Variants in TOM1L2 observed in about 807,000 individuals in gnomAD.
The protein encoded by TOM1L2 is TOM1-like protein 2.
TOM1L2 carries 31 observed loss-of-function variants against 67.9 expected under a neutral mutation model. That is an observed-to-expected ratio of 0.46 (90% CI 0.34 to 0.62). The LOEUF (loss-of-function observed/expected upper bound fraction) is 0.62, where lower values mean the gene tolerates loss of function less well. Among genes scored for constraint, TOM1L2 ranks in the 20% least tolerant of loss-of-function variants. The pLI, the probability that TOM1L2 is intolerant of heterozygous loss-of-function variation, is 0.01. For synonymous variants in TOM1L2, 256 were observed against 254.0 expected (o/e 1.01, Z -0.07); for missense variants, 606 against 663.5 (o/e 0.91, Z 0.95).
chr17:17,902,120 GAGCTGAGATCACACCAT>G (rs1476336207), intron 2 of TOM1L2, among the ~76,000 whole-genome samples: 2 of 152,142 alleles, frequency 1.3e-5, no homozygotes, highest in African/African-American at 4.8e-5. Context: ...TGGTTGTGGT[GAGCTGAGATCACACCAT>G]TGCACTCCAG....
chr17:17,862,764 G>A lies in TOM1L2; in HGVS notation c.1169C>T (p.Thr390Met), dbSNP rs563051881. 86 of 1,613,814 alleles carry A rather than the reference G, an allele frequency of 5.3e-5. 1 individual carries two copies. The East Asian group carries it at 1.2e-3, about 23-fold the overall frequency. ...PRDGFDMFAQTRGNSLAEQRK... is the reference protein window; with the variant it reads ...PRDGFDMFAQMRGNSLAEQRK... ...CTGCTCAGCCAAGGAGTTTCCTCTC[G>A]TCTGGGCAAACATGTCAAAGCCGTC... Residue 390 changes from threonine (T) to methionine (M), a missense_variant, in exon 11 of 15, where the codon ACG becomes ATG. By Grantham distance (81) the Thr-to-Met change is moderately conservative. Around this residue, in one of 2 missense-constraint regions of TOM1L2, gnomAD observed 543 missense variants for 554.0 expected, o/e 0.98. Transcript: ENST00000379504.
At chr17:17,893,602 A>T (rs2038403075) in intron 4 of TOM1L2, 59 bp downstream of exon 4, 1 of 1,502,330 alleles carries the variant, frequency 6.7e-7, no homozygotes, top group Non-Finnish European at 9.1e-7. Context: ...ATGAGGACTC[A>T]TCAATAAGAG....
At chr17:17,912,638 A>C (rs1444417942) in intron 1 of TOM1L2, among the ~76,000 whole-genome samples, 5 of 137,146 alleles carry the variant, frequency 3.6e-5, no homozygotes, top group Admixed American at 7.2e-5. Flanking sequence ...GGCGGCCGGG[A>C]AGAGGCGCTC....
intron 7 of TOM1L2, chr17:17,869,746 AT>A (rs1435998475): frequency 9.2e-7 from 1 of 1,086,472 alleles, no homozygotes; most frequent in Admixed American, 4.3e-5. Context: ...ATTAAAAAAT[AT>A]TAAAATGTGA....
rs763131283 is a variant in TOM1L2, at chr17:17,862,827, C to T, written c.1106G>A (p.Ser369Asn). Reference sequence around the variant, plus strand: ...TTGCTGGAGTGAACTGAGGGTGCCACTGACGCTCTCTGTCCCCAAGTCTGT... The same window carrying T: ...TTGCTGGAGTGAACTGAGGGTGCCATTGACGCTCTCTGTCCCCAAGTCTGT... Reference protein sequence around the residue: ...AGLDLGTESVSGTLSSLQQCN... With the variant: ...AGLDLGTESVNGTLSSLQQCN... The change falls in exon 11 of 15, where the codon AGT becomes AAT. Residue 369 changes from serine (S) to asparagine (N), a missense_variant. Around this residue, in one of 2 missense-constraint regions of TOM1L2, gnomAD observed 543 missense variants for 554.0 expected, o/e 0.98. Transcript: ENST00000379504. The T allele has an allele frequency of 1.2e-6, 2 of 1,614,152 alleles. No individual in the cohort carries two copies. Among genetic ancestry groups the T allele is most frequent in the Non-Finnish European group, 1.7e-6 (2 of 1,180,016 alleles).
intron 7 of TOM1L2, among the ~76,000 whole-genome samples, chr17:17,871,445 G>A (rs534468314): frequency 4.4e-4 from 67 of 152,218 alleles, no homozygotes; most frequent in African/African-American, 1.5e-3. Flanking sequence ...CGAGGCAGGC[G>A]GATCACTTGA....
At chr17:17,923,874 T>G (rs1568289741) in intron 1 of TOM1L2, among the ~76,000 whole-genome samples, 1 of 151,724 alleles carries the variant, frequency 6.6e-6, no homozygotes, top group Non-Finnish European at 1.5e-5. Flanking sequence ...GCGGTGGCTG[T>G]CGCCTGTAAT....
At chr17:17,950,389 C>G (rs919507123) in intron 1 of TOM1L2, among the ~76,000 whole-genome samples, 1 of 151,714 alleles carries the variant, frequency 6.6e-6, no homozygotes, top group African/African-American at 2.4e-5. Context: ...GAACTCCTGA[C>G]CTAAAGTGAT....
chr17:17,934,355 G>A (rs1038069158), intron 1 of TOM1L2, among the ~76,000 whole-genome samples: 2 of 152,076 alleles, frequency 1.3e-5, no homozygotes, highest in African/African-American at 4.8e-5. Context: ...GCTGAGGGAG[G>A]GGTATCACTT....
chr17:17,855,409 CAT>C (rs1598183071), intron 12 of TOM1L2, among the ~76,000 whole-genome samples: 1 of 152,186 alleles, frequency 6.6e-6, no homozygotes, highest in African/African-American at 2.4e-5. Flanking sequence ...GATTCTCTCA[CAT>C]GAGGATATTT....
intron 2 of TOM1L2, among the ~76,000 whole-genome samples, chr17:17,903,703 AC>A (rs2038961711): frequency 6.6e-6 from 1 of 152,082 alleles, no homozygotes; most frequent in South Asian, 2.1e-4. Flanking sequence ...GGCAAGACAG[AC>A]ACTAACAACC....
intron 1 of TOM1L2, among the ~76,000 whole-genome samples, chr17:17,931,576 C>G (rs1436687675): frequency 6.6e-6 from 1 of 152,148 alleles, no homozygotes; most frequent in African/African-American, 2.4e-5. Context: ...CTCCCCCGTA[C>G]AAAATGAGCT....
rs111238555 is a variant in TOM1L2, at chr17:17,851,968, C to G, written c.1279-1016G>C. ...CCATCAAATATGACATGATAAGAAG[C>G]TCCCTAGAAGCCATGTTAATGGAAT... On this transcript the variant is annotated intron_variant, in intron 12 of 14. Coordinates refer to ENST00000379504, the MANE Select transcript of TOM1L2 (RefSeq NM_001082968.2). Among the ~76,000 whole-genome samples the G allele has an allele frequency of 7.9e-3, 1,206 of 152,282 alleles. 15 individuals carry two copies. The highest frequency in any genetic ancestry group is 0.028 in the African/African-American group (1,161 of 41,544).
intron 1 of TOM1L2, among the ~76,000 whole-genome samples, chr17:17,920,342 T>TTC (rs2039806605): frequency 2.8e-5 from 4 of 144,060 alleles, no homozygotes; most frequent in Admixed American, 2.7e-4. Flanking sequence ...AATATTTTTT[T>TTC]TTTTTTTTTT....
rs765694471 is a variant in TOM1L2, at chr17:17,884,672, C to A, written c.463G>T (p.Asp155Tyr). The change falls in exon 5 of 15, where the codon GAC becomes TAC. Residue 155 changes from aspartate to tyrosine, a missense_variant. By Grantham distance (160) the Asp-to-Tyr change is radical. Around this residue, in one of 2 missense-constraint regions of TOM1L2, gnomAD observed 543 missense variants for 554.0 expected, o/e 0.98. Transcript: ENST00000379504. ...KRKGVEFPMADLDALSPIHTP... is the reference protein window; with the variant it reads ...KRKGVEFPMAYLDALSPIHTP... The stretch of plus-strand genomic sequence containing the variant: ...TGTATGGGAGACAGAGCGTCCAAGT[C>A]TGCCATGGGAAATTCAACCCCTTTC... 5 of 1,614,006 alleles carry A rather than the reference C, an allele frequency of 3.1e-6. No individual in the cohort carries two copies. The highest frequency in any genetic ancestry group is 1.7e-5 in the Admixed American group (1 of 59,998).
At chr17:17,931,493 A>G (rs932867718) in intron 1 of TOM1L2, among the ~76,000 whole-genome samples, 2 of 152,234 alleles carry the variant, frequency 1.3e-5, no homozygotes, top group African/African-American at 4.8e-5. Context: ...GGCCTGGCAC[A>G]CAGGAGTCCT....
chr17:17,928,907 G>A (rs1309783261), intron 1 of TOM1L2, among the ~76,000 whole-genome samples: 4 of 152,066 alleles, frequency 2.6e-5, no homozygotes, highest in Admixed American at 6.5e-5. Context: ...CTTCTGCTAC[G>A]TGGGTTTATG....
intron 1 of TOM1L2, among the ~76,000 whole-genome samples, chr17:17,954,460 C>A (rs996524339): frequency 6.6e-6 from 1 of 152,068 alleles, no homozygotes; most frequent in African/African-American, 2.4e-5. Flanking sequence ...TTACAGGAAC[C>A]CACCACCATG....
At chr17:17,925,941 C>T (rs1467279363) in intron 1 of TOM1L2, among the ~76,000 whole-genome samples, 1 of 151,158 alleles carries the variant, frequency 6.6e-6, no homozygotes, top group African/African-American at 2.4e-5. Context: ...AAGGCCAAGG[C>T]AGGAAGTCCA....
Sources: gnomAD v4.1 joint callset for allele counts (sites outside exome capture counted in the v4.1 genomes callset) on GRCh38, gnomAD v4.1.1 for gene constraint, gnomAD v4.1.1 regional missense constraint, MANE v1.5 for transcripts, NCBI Gene and HGNC (gene_info 2026-07-23, HGNC 2026-07-21) for gene names.